The following DPP6 variants were observed in gnomAD, a reference collection of about 807,000 sequenced individuals.
DPP6 encodes A-type potassium channel modulatory protein DPP6.
A neutral mutation model predicts 122.6 loss-of-function variants in DPP6; 69 were observed. That is an observed-to-expected ratio of 0.56 (90% confidence interval 0.46 to 0.69). DPP6 has a LOEUF of 0.69. DPP6 is among the 30% of genes least tolerant of loss of function. The pLI, the probability that DPP6 is intolerant of heterozygous loss-of-function variation, is 0.00. For synonymous variants in DPP6, 418 were observed against 433.1 expected (o/e 0.97, Z 0.43); for missense variants, 928 against 1,116.9 (o/e 0.83, Z 2.41).
chr7:154,808,429 C>T (rs1320072615), intron 16 of DPP6, among the ~76,000 whole-genome samples: 1 of 152,086 alleles, frequency 6.6e-6, no homozygotes, highest in Non-Finnish European at 1.5e-5. Context: ...CCCCAGTCCC[C>T]GCAACGTTAA....
intron 3 of DPP6, among the ~76,000 whole-genome samples, chr7:154,511,320 G>T (rs749510315): frequency 3.3e-5 from 5 of 152,120 alleles, no homozygotes; most frequent in African/African-American, 4.8e-5. Flanking sequence ...ATTCAGAGAG[G>T]TTAAGTAACT....
chr7:153,968,832 A>G (rs945483371), intron 1 of DPP6: 5 of 151,784 alleles, frequency 3.3e-5, no homozygotes, highest in South Asian at 2.1e-4. Flanking sequence ...CGCAACTATC[A>G]TTCCATATAA....
chr7:153,956,485 C>T (rs1197480115), intron 1 of DPP6, among the ~76,000 whole-genome samples: 1 of 152,166 alleles, frequency 6.6e-6, no homozygotes, highest in Non-Finnish European at 1.5e-5. Flanking sequence ...AGGTCTTCCT[C>T]TTACCTCTGC....
intron 1 of DPP6, among the ~76,000 whole-genome samples, chr7:154,270,898 T>G (rs1803743448): frequency 6.6e-6 from 1 of 152,132 alleles, no homozygotes; most frequent in African/African-American, 2.4e-5. Context: ...CCCCTTCACC[T>G]CCTACAACAC....
intron 5 of DPP6, among the ~76,000 whole-genome samples, chr7:154,613,064 G>A (rs1080446): frequency 0.4 from 61,312 of 151,880 alleles, 13,374 homozygotes; most frequent in East Asian, 0.64. Context: ...AAGCTCTCTC[G>A]TTACTATAAT....
At chr7:154,314,803 A>C (rs1563463007) in intron 1 of DPP6, among the ~76,000 whole-genome samples, 1 of 152,188 alleles carries the variant, frequency 6.6e-6, no homozygotes, top group African/African-American at 2.4e-5. Context: ...GAAATATAAT[A>C]TGCCAAGAAG....
intron 1 of DPP6, among the ~76,000 whole-genome samples, chr7:154,402,760 T>TA (rs908543771): frequency 6.1e-5 from 9 of 148,702 alleles, no homozygotes; most frequent in African/African-American, 2.0e-4. Flanking sequence ...CTAATAAATT[T>TA]AAAAAAAAGA....
At chr7:154,238,590 G>A (rs1244221541) in intron 1 of DPP6, among the ~76,000 whole-genome samples, 2 of 152,154 alleles carry the variant, frequency 1.3e-5, no homozygotes, top group African/African-American at 2.4e-5. Flanking sequence ...CCACTGCCAC[G>A]GGGCTAGGAA....
At chr7:153,868,503 T>G in the DPP6 span, among the ~76,000 whole-genome samples, 17 of 152,310 alleles carry the variant, frequency 1.1e-4, 1 homozygote, top group Admixed American at 9.8e-4. Flanking sequence ...TGATATAACC[T>G]TTGTCATTTT....
intron 1 of DPP6, among the ~76,000 whole-genome samples, chr7:154,061,147 T>G (rs1357322378): frequency 6.7e-6 from 1 of 148,344 alleles, no homozygotes; most frequent in Non-Finnish European, 1.5e-5. Context: ...GTGAGAGAAT[T>G]CTTAGGAGCT....
chr7:154,823,909 A>C (rs1232530090), intron 16 of DPP6, among the ~76,000 whole-genome samples: 1 of 152,198 alleles, frequency 6.6e-6, no homozygotes, highest in Non-Finnish European at 1.5e-5. Context: ...ATAATAAAAA[A>C]CCGAATGCAT....
intron 1 of DPP6, among the ~76,000 whole-genome samples, chr7:154,212,095 C>A (rs1310068201): frequency 6.6e-6 from 1 of 152,154 alleles, no homozygotes; most frequent in Non-Finnish European, 1.5e-5. Context: ...GCCTCCATCA[C>A]ATGGCTCATC....
At chr7:154,808,180 G>A (rs908649280) in intron 16 of DPP6, among the ~76,000 whole-genome samples, 5 of 152,348 alleles carry the variant, frequency 3.3e-5, no homozygotes, top group Admixed American at 3.3e-4. Flanking sequence ...TAAGCCATAG[G>A]TGGAGAATGA....
At position 153,924,118 on chromosome 7, in the gene DPP6, A is replaced by AT. The variant is rs199558532; in HGVS notation, c.51+36399dup. Among the ~76,000 whole-genome samples the AT allele has an allele frequency of 3.7e-3, 524 of 143,406 alleles. 4 individuals are homozygous for AT. Among genetic ancestry groups the AT allele is most frequent in the African/African-American group, 0.012 (452 of 39,236 alleles). The allele number at this position is 143,406 out of a possible 152,430, so 94.1% of individuals were successfully genotyped here. A position where few individuals can be genotyped will look rare whatever the true frequency, so the allele number is the denominator to read the frequency against. ...ATAACAGTAATGTGTATTATTGAGG[A>AT]TTTTTTTTTTTTTTTCGAGACGGAG... On this transcript the variant is annotated intron_variant, in intron 1 of 25. Transcript: ENST00000404039.
intron 1 of DPP6, among the ~76,000 whole-genome samples, chr7:153,917,788 T>C (rs2129006189): frequency 6.6e-6 from 1 of 152,340 alleles, no homozygotes; most frequent in East Asian, 1.9e-4. Flanking sequence ...GTATTTCCAT[T>C]ATTTCAAATT....
chr7:154,172,752 C>T (rs548247327), intron 1 of DPP6, among the ~76,000 whole-genome samples: 1 of 152,106 alleles, frequency 6.6e-6, no homozygotes, highest in East Asian at 1.9e-4. Flanking sequence ...AGGTGCCCAC[C>T]ATACGCTTGG....
At chr7:154,586,826 T>TC (rs931181904) in intron 5 of DPP6, among the ~76,000 whole-genome samples, 1 of 152,122 alleles carries the variant, frequency 6.6e-6, no homozygotes, top group Non-Finnish European at 1.5e-5. Flanking sequence ...AGTGAGCACC[T>TC]CCCCAGATAC....
chr7:154,581,138 G>A (rs1439916818), intron 5 of DPP6, among the ~76,000 whole-genome samples: 1 of 152,140 alleles, frequency 6.6e-6, no homozygotes, highest in African/African-American at 2.4e-5. Context: ...GGAAACCTGT[G>A]TCCGCTGAAT....
At chr7:154,242,381 A>T (rs865818753) in intron 1 of DPP6, among the ~76,000 whole-genome samples, 3 of 150,194 alleles carry the variant, frequency 2.0e-5, no homozygotes, top group Non-Finnish European at 3.0e-5. Flanking sequence ...AGAGGCAATG[A>T]GTGTGTGTGT....
Sources: allele counts gnomAD v4.1 joint callset (sites outside exome capture counted in the v4.1 genomes callset), GRCh38; gene constraint gnomAD v4.1.1; transcripts MANE v1.5; gene names NCBI Gene and HGNC (gene_info 2026-07-23, HGNC 2026-07-21).